The following COL28A1 variants were observed in gnomAD, a reference collection of about 807,000 sequenced individuals.
COL28A1 encodes collagen type XXVIII alpha 1 chain, also known as collagen alpha-1(XXVIII) chain.
COL28A1 carries 161 observed loss-of-function variants against 150.2 expected under a neutral mutation model. The observed-to-expected ratio is 1.07, with a 90% CI of 0.94 to 1.22. The LOEUF (loss-of-function observed/expected upper bound fraction) is 1.22. COL28A1 is among the 50% of genes most tolerant of loss of function. The pLI is 0.00. For missense variants in COL28A1, 1,617 were observed against 1,388.3 expected (o/e 1.16, Z -2.62); for synonymous variants, 552 against 469.7 (o/e 1.18, Z -2.26).
Position 7,418,376 on chromosome 7 carries a change from T to C in COL28A1, c.2068-449A>G, listed in dbSNP as rs567596175. The stretch of plus-strand genomic sequence containing the variant: ...CTTAAAGATCCAGTGGATATCAATG[T>C]CCAAATTTTTAGGAAAATGTGTAGA... On this transcript the variant is annotated intron_variant, in intron 26 of 34. Coordinates refer to ENST00000399429, the MANE Select transcript of COL28A1 (RefSeq NM_001037763.3). Among the ~76,000 whole-genome samples, 57 of 152,374 alleles carry C rather than the reference T, an allele frequency of 3.7e-4. No individual in the cohort carries two copies. The Middle Eastern group carries it at 0.01, about 27-fold the overall frequency.
rs138293647 is a variant in COL28A1 at position 7,361,690 on chromosome 7, T to C, written c.3067-1162A>G. Among the ~76,000 whole-genome samples, 453 of 152,332 alleles carry C rather than the reference T, an allele frequency of 3.0e-3. 2 individuals are homozygous for C. The highest frequency in any genetic ancestry group is 9.6e-3 in the African/African-American group (400 of 41,566). ...TCGCCCATTTTTTGATAGAGTTTTT[T>C]CTTGTAAATTTGTTTAAGTTCTAGT... On this transcript the variant is annotated intron_variant, in intron 33 of 34. Transcript: ENST00000399429.
chr7:7,462,719 C>T (rs1359960493), intron 15 of COL28A1, among the ~76,000 whole-genome samples: 2 of 152,016 alleles, frequency 1.3e-5, no homozygotes, highest in African/African-American at 4.8e-5. Flanking sequence ...ATTAGCCGGG[C>T]GTGGTGGCAC....
intron 30 of COL28A1, among the ~76,000 whole-genome samples, chr7:7,378,275 A>T (rs1781674336): frequency 6.6e-6 from 1 of 152,194 alleles, no homozygotes. Flanking sequence ...TGATAAACAC[A>T]TTCTTTCTGC....
At chr7:7,434,237 A>C (rs896738588) in intron 23 of COL28A1, among the ~76,000 whole-genome samples, 3 of 152,174 alleles carry the variant, frequency 2.0e-5, no homozygotes, top group Non-Finnish European at 4.4e-5. Context: ...ACAAAAACTC[A>C]AGGTGATTTT....
chr7:7,541,188 TC>T, the COL28A1 span, among the ~76,000 whole-genome samples: 1 of 152,220 alleles, frequency 6.6e-6, no homozygotes, highest in Non-Finnish European at 1.5e-5. Context: ...TCTGTTTTTT[TC>T]ATTGCATCTA....
chr7:7,378,896 A>ATGGGGGTT (rs1781714090), intron 30 of COL28A1, among the ~76,000 whole-genome samples: 1 of 152,196 alleles, frequency 6.6e-6, no homozygotes, highest in African/African-American at 2.4e-5. Context: ...CCTACACTGC[A>ATGGGGGTT]TGGGGGTTTG....
At chr7:7,506,690 T>C (rs955641950) in intron 10 of COL28A1, among the ~76,000 whole-genome samples, 1 of 152,230 alleles carries the variant, frequency 6.6e-6, no homozygotes, top group African/African-American at 2.4e-5. Flanking sequence ...AATCAGTCCA[T>C]ATTATAGAAC....
At chr7:7,390,352 G>T (rs776579807) in intron 27 of COL28A1, among the ~76,000 whole-genome samples, 2 of 152,072 alleles carry the variant, frequency 1.3e-5, no homozygotes, top group Non-Finnish European at 2.9e-5. Flanking sequence ...CAACTTGATC[G>T]TGGTGGTTAA....
intron 11 of COL28A1, 101 bp downstream of exon 11, chr7:7,505,913 T>A: frequency 1.3e-6 from 1 of 766,654 alleles, no homozygotes; most frequent in Non-Finnish European, 2.4e-6. Flanking sequence ...CAAAGGTACT[T>A]CCTCAAAGAA....
chr7:7,475,134 T>C (rs1422389806), intron 14 of COL28A1, among the ~76,000 whole-genome samples: 1 of 152,186 alleles, frequency 6.6e-6, no homozygotes, highest in African/African-American at 2.4e-5. Context: ...AAACATTCAT[T>C]GAAAATTTAT....
At chr7:7,393,579 G>T (rs1242973127) in intron 27 of COL28A1, among the ~76,000 whole-genome samples, 1 of 150,130 alleles carries the variant, frequency 6.7e-6, no homozygotes, top group Non-Finnish European at 1.5e-5. Flanking sequence ...CAGGTGCTCT[G>T]TCCGAGGGAG....
intron 25 of COL28A1, among the ~76,000 whole-genome samples, chr7:7,428,525 C>G (rs1784767418): frequency 1.3e-5 from 2 of 152,190 alleles, no homozygotes; most frequent in Non-Finnish European, 2.9e-5. Context: ...AACACAGGAA[C>G]AGAGTTATCT....
At chr7:7,502,051 C>T (rs550434309) in intron 11 of COL28A1, among the ~76,000 whole-genome samples, 21 of 152,276 alleles carry the variant, frequency 1.4e-4, no homozygotes, top group African/African-American at 3.8e-4. Context: ...CCCGCCACCA[C>T]GCCCGGCTAA....
intron 27 of COL28A1, among the ~76,000 whole-genome samples, chr7:7,417,177 G>A (rs1452646042): frequency 6.6e-6 from 1 of 151,974 alleles, no homozygotes; most frequent in Non-Finnish European, 1.5e-5. Flanking sequence ...ACTGAGACAT[G>A]AGAGACCCTG....
At chr7:7,463,501 A>C (rs1282224649) in intron 15 of COL28A1, among the ~76,000 whole-genome samples, 3 of 152,156 alleles carry the variant, frequency 2.0e-5, no homozygotes, top group African/African-American at 7.2e-5. Context: ...GCTAGAAGGG[A>C]TTGGGGTCCT....
chr7:7,381,261 T>A (rs917218233), intron 28 of COL28A1, among the ~76,000 whole-genome samples: 12 of 152,326 alleles, frequency 7.9e-5, no homozygotes, highest in African/African-American at 2.9e-4. Context: ...GAGATTTTTT[T>A]AAACATAGAG....
intron 11 of COL28A1, among the ~76,000 whole-genome samples, chr7:7,498,658 G>A (rs1780349911): frequency 6.6e-6 from 1 of 151,978 alleles, no homozygotes; most frequent in South Asian, 2.1e-4. Context: ...AAACACCCTT[G>A]GAATACAATT....
At chr7:7,501,268 A>AT (rs1780508258) in intron 11 of COL28A1, among the ~76,000 whole-genome samples, 1 of 152,208 alleles carries the variant, frequency 6.6e-6, no homozygotes, top group African/African-American at 2.4e-5. Flanking sequence ...GAGGCAATTC[A>AT]TTTTTTAAGA....
At chr7:7,522,835 A>AAAAAAAAAAAAAG (rs1781807771) in intron 4 of COL28A1, among the ~76,000 whole-genome samples, 1 of 136,098 alleles carries the variant, frequency 7.3e-6, no homozygotes, top group Non-Finnish European at 1.6e-5. Context: ...AAAAAAAAAA[A>AAAAAAAAAAAAAG]AGGGCCGTGC....
Sources: gnomAD v4.1 joint callset for allele counts (sites outside exome capture counted in the v4.1 genomes callset) on GRCh38, gnomAD v4.1.1 for gene constraint, MANE v1.5 for transcripts, NCBI Gene and HGNC (gene_info 2026-07-23, HGNC 2026-07-21) for gene names.